PLXNA4: variants seen among roughly 807,000 people sequenced by gnomAD.
The protein encoded by PLXNA4 is plexin A4.
A neutral mutation model predicts 191.8 loss-of-function variants in PLXNA4; 44 were observed. The ratio of observed to expected loss-of-function variants is 0.23; its 90% CI spans 0.18 to 0.29. The LOEUF (loss-of-function observed/expected upper bound fraction) is 0.29, where lower values mean the gene tolerates loss of function less well. Ranked by LOEUF, PLXNA4 falls within the 10% of genes least tolerant of loss-of-function variation. The pLI is 1.00. For synonymous variants in PLXNA4, 1,082 were observed against 1,009.5 expected (o/e 1.07, Z -1.36); for missense variants, 1,800 against 2,488.8 (o/e 0.72, Z 5.89).
At chr7:132,294,556 G>A (rs776543239) in intron 4 of PLXNA4, among the ~76,000 whole-genome samples, 1 of 152,232 alleles carries the variant, frequency 6.6e-6, no homozygotes, top group Non-Finnish European at 1.5e-5. Context: ...GAAACAGAGA[G>A]AGTAGTTGGA....
At chr7:132,289,061 G>A (rs962488907) in intron 4 of PLXNA4, among the ~76,000 whole-genome samples, 11 of 152,286 alleles carry the variant, frequency 7.2e-5, no homozygotes, top group Middle Eastern at 3.4e-3. Context: ...CTACCTCCCC[G>A]TTGAACTATA....
intron 3 of PLXNA4, among the ~76,000 whole-genome samples, chr7:132,410,154 G>A (rs374367893): frequency 1.2e-3 from 180 of 152,224 alleles, no homozygotes; most frequent in Middle Eastern, 6.8e-3. Flanking sequence ...CAACAGTTTT[G>A]GGCAAACAGG....
intron 3 of PLXNA4, among the ~76,000 whole-genome samples, chr7:132,458,935 C>T (rs1218833253): frequency 1.3e-5 from 2 of 152,148 alleles, no homozygotes; most frequent in Non-Finnish European, 2.9e-5. Flanking sequence ...ATGAGGTTTG[C>T]CTATTACCAT....
intron 10 of PLXNA4, among the ~76,000 whole-genome samples, chr7:132,206,599 A>G (rs1036769799): frequency 6.6e-6 from 1 of 151,994 alleles, no homozygotes; most frequent in Non-Finnish European, 1.5e-5. Context: ...ACTATTAGAG[A>G]AATCGTTAAC....
At chr7:132,641,747 T>C (rs1803746964) in intron 2 of PLXNA4, among the ~76,000 whole-genome samples, 1 of 152,210 alleles carries the variant, frequency 6.6e-6, no homozygotes, top group Non-Finnish European at 1.5e-5. Flanking sequence ...GATATTGTTT[T>C]TTAAGAGGTA....
intron 1 of PLXNA4, among the ~76,000 whole-genome samples, chr7:132,546,266 G>A (rs1010219454): frequency 1.3e-5 from 2 of 152,190 alleles, no homozygotes; most frequent in African/African-American, 4.8e-5. Flanking sequence ...GATGCTTCCA[G>A]GACCACAAAA....
chr7:132,413,067 T>C (rs1246798813), intron 3 of PLXNA4, among the ~76,000 whole-genome samples: 1 of 152,014 alleles, frequency 6.6e-6, no homozygotes, highest in African/African-American at 2.4e-5. Context: ...GAAGGCATGC[T>C]GTTCTTATAC....
At chr7:132,356,566 G>T (rs1803714855) in intron 3 of PLXNA4, among the ~76,000 whole-genome samples, 1 of 152,160 alleles carries the variant, frequency 6.6e-6, no homozygotes, top group South Asian at 2.1e-4. Flanking sequence ...TACCTGCTTT[G>T]GTCATTTCCC....
intron 21 of PLXNA4, among the ~76,000 whole-genome samples, chr7:132,171,250 A>T (rs1796277747): frequency 6.6e-6 from 1 of 152,238 alleles, no homozygotes; most frequent in Non-Finnish European, 1.5e-5. Context: ...CATTGTTTCA[A>T]TGAGGCCTTC....
chr7:132,536,047 A>G (rs1799818599), intron 1 of PLXNA4, among the ~76,000 whole-genome samples: 2 of 152,190 alleles, frequency 1.3e-5, no homozygotes, highest in African/African-American at 4.8e-5. Context: ...AAACTTGGAG[A>G]AAAACTTACC....
chr7:132,511,264 T>C (rs1382563902), intron 1 of PLXNA4, among the ~76,000 whole-genome samples: 1 of 151,794 alleles, frequency 6.6e-6, no homozygotes, highest in East Asian at 1.9e-4. Flanking sequence ...CTCACCACTG[T>C]TCCCTGGGAT....
chr7:132,362,403 G>A (rs73158816), intron 3 of PLXNA4, among the ~76,000 whole-genome samples: 2,494 of 152,308 alleles, frequency 0.016, 35 homozygotes, highest in Middle Eastern at 0.044. Context: ...AGGAACACAC[G>A]CTTTCTATGC....
intron 1 of PLXNA4, among the ~76,000 whole-genome samples, chr7:132,573,631 A>G (rs1802077293): frequency 7.2e-6 from 1 of 139,722 alleles, no homozygotes; most frequent in South Asian, 2.8e-4. Context: ...GAGTAGCAGC[A>G]GCAGGCGACA....
intron 3 of PLXNA4, among the ~76,000 whole-genome samples, chr7:132,304,315 C>T (rs1471498355): frequency 1.3e-5 from 2 of 152,080 alleles, no homozygotes; most frequent in Admixed American, 6.5e-5. Flanking sequence ...ACCTCAGCCC[C>T]CGTAGATAGT....
chr7:132,209,750 C>T (rs921668130), intron 10 of PLXNA4, among the ~76,000 whole-genome samples: 9 of 152,246 alleles, frequency 5.9e-5, no homozygotes, highest in African/African-American at 1.2e-4. Context: ...CTCTCCTGGT[C>T]GCACATCACA....
At chr7:132,546,382 G>A (rs1257112836) in intron 1 of PLXNA4, among the ~76,000 whole-genome samples, 1 of 152,148 alleles carries the variant, frequency 6.6e-6, no homozygotes, top group African/African-American at 2.4e-5. Context: ...TACCCTGTTG[G>A]GAGGTAGGAA....
At chr7:132,583,545 A>G (rs1585385916) in intron 2 of PLXNA4, among the ~76,000 whole-genome samples, 2 of 152,260 alleles carry the variant, frequency 1.3e-5, no homozygotes, top group South Asian at 4.1e-4. Context: ...CGAGAGAAGA[A>G]GGGAAGAAAG....
At chr7:132,563,086 TC>T (rs1162423441) in intron 1 of PLXNA4, among the ~76,000 whole-genome samples, 3 of 82,526 alleles carry the variant, frequency 3.6e-5, no homozygotes, top group Non-Finnish European at 7.8e-5. Flanking sequence ...CTTCTCCTCC[TC>T]CTCTTCTTCC....
intron 3 of PLXNA4, among the ~76,000 whole-genome samples, chr7:132,300,847 G>T (rs756390789): frequency 6.6e-6 from 1 of 152,222 alleles, no homozygotes; most frequent in Non-Finnish European, 1.5e-5. Flanking sequence ...GAGTGCTGGC[G>T]GAACTAAGCT....
Sources: gnomAD v4.1 joint callset for allele counts (sites outside exome capture counted in the v4.1 genomes callset) on GRCh38, gnomAD v4.1.1 for gene constraint, MANE v1.5 for transcripts, NCBI Gene and HGNC (gene_info 2026-07-23, HGNC 2026-07-21) for gene names.